The following CCDC192 variants were observed in gnomAD, a reference collection of about 807,000 sequenced individuals.
The protein encoded by CCDC192 is coiled-coil domain containing 192.
At chr5:127,849,090 C>T (rs771868179) in intron 5 of CCDC192, among the ~76,000 whole-genome samples, 29 of 151,944 alleles carry the variant, frequency 1.9e-4, no homozygotes, top group Non-Finnish European at 3.5e-4. Flanking sequence ...ATTAGCAGGG[C>T]GTGGTGACAG....
chr5:127,938,640 CA>C (rs1221508278), intron 6 of CCDC192, among the ~76,000 whole-genome samples: 1 of 152,198 alleles, frequency 6.6e-6, no homozygotes, highest in African/African-American at 2.4e-5. Flanking sequence ...TTCTTTAACA[CA>C]ATGTATTCTA....
intron 3 of CCDC192, among the ~76,000 whole-genome samples, chr5:127,782,951 A>G (rs1756320391): frequency 6.7e-6 from 1 of 148,388 alleles, no homozygotes; most frequent in Non-Finnish European, 1.5e-5. Flanking sequence ...TTTTAGGGCT[A>G]TGAACTTTCC....
chr5:127,821,572 T>A (rs2127020695), intron 5 of CCDC192, among the ~76,000 whole-genome samples: 1 of 152,336 alleles, frequency 6.6e-6, no homozygotes, highest in African/African-American at 2.4e-5. Flanking sequence ...TATGCGCTTG[T>A]CTCCATTTTA....
chr5:127,891,750 C>G (rs1285816043), intron 6 of CCDC192, among the ~76,000 whole-genome samples: 1 of 152,200 alleles, frequency 6.6e-6, no homozygotes, highest in Non-Finnish European at 1.5e-5. Flanking sequence ...AAGATTATCT[C>G]CACACACTAT....
Position 127,861,122 on chromosome 5 carries a change from C to T in CCDC192, c.412-14416C>T, listed in dbSNP as rs991183413. Among the ~76,000 whole-genome samples, 5 of 152,070 alleles carry T rather than the reference C, an allele frequency of 3.3e-5. No individual in the cohort carries two copies. The South Asian group carries it at 8.3e-4, about 25-fold the overall frequency. The stretch of plus-strand genomic sequence containing the variant: ...CTTTCGGGTTCAAGCAATTCTCCTT[C>T]CTCAGCCTCCCAAGTAGCTGGGATT... On this transcript the variant is annotated intron_variant, in intron 5 of 6. Transcript: ENST00000514853.
intron 2 of CCDC192, among the ~76,000 whole-genome samples, chr5:127,708,603 G>A (rs1424323937): frequency 6.6e-6 from 1 of 152,084 alleles, no homozygotes; most frequent in African/African-American, 2.4e-5. Context: ...TTGGGATGAG[G>A]CCAAAATTTG....
At chr5:127,899,093 T>C (rs1319130697) in intron 6 of CCDC192, among the ~76,000 whole-genome samples, 1 of 152,204 alleles carries the variant, frequency 6.6e-6, no homozygotes, top group Non-Finnish European at 1.5e-5. Flanking sequence ...TTTCATATGT[T>C]ATACAATGCT....
intron 6 of CCDC192, among the ~76,000 whole-genome samples, chr5:127,929,840 C>T (rs961759550): frequency 3.9e-5 from 6 of 152,010 alleles, no homozygotes; most frequent in Admixed American, 1.3e-4. Context: ...CTTAACAAAC[C>T]CTTGTGCACC....
chr5:127,898,915 A>T (rs868018188), intron 6 of CCDC192, among the ~76,000 whole-genome samples: 71 of 152,152 alleles, frequency 4.7e-4, no homozygotes, highest in Non-Finnish European at 4.9e-4. Context: ...ACAGATTTTC[A>T]CTGTGAACAA....
At chr5:127,843,807 T>G (rs1192160431) in intron 5 of CCDC192, among the ~76,000 whole-genome samples, 1 of 152,208 alleles carries the variant, frequency 6.6e-6, no homozygotes, top group East Asian at 1.9e-4. Flanking sequence ...GTCTGCAGGT[T>G]TTCATGTAGG....
chr5:127,851,796 T>G (rs1282633237), intron 5 of CCDC192, among the ~76,000 whole-genome samples: 1 of 152,166 alleles, frequency 6.6e-6, no homozygotes, highest in Non-Finnish European at 1.5e-5. Context: ...ACTAGATTCT[T>G]CCTGTCAACA....
intron 3 of CCDC192, among the ~76,000 whole-genome samples, chr5:127,767,699 T>C (rs529831905): frequency 6.4e-4 from 98 of 152,330 alleles, no homozygotes; most frequent in African/African-American, 2.3e-3. Flanking sequence ...TAGGAATCTC[T>C]TTGCCTGCAT....
chr5:127,861,082 C>G (rs1337896086), intron 5 of CCDC192, among the ~76,000 whole-genome samples: 1 of 152,008 alleles, frequency 6.6e-6, no homozygotes, highest in Non-Finnish European at 1.5e-5. Context: ...AATCTTGGCT[C>G]ACTACAACCT....
intron 6 of CCDC192, among the ~76,000 whole-genome samples, chr5:127,938,660 C>A (rs551404786): frequency 7.2e-5 from 11 of 152,334 alleles, no homozygotes; most frequent in African/African-American, 2.6e-4. Flanking sequence ...TAAATATTAT[C>A]ATTTTAATGC....
chr5:127,862,944 A>G (rs1202642098), intron 5 of CCDC192, among the ~76,000 whole-genome samples: 1 of 151,792 alleles, frequency 6.6e-6, no homozygotes, highest in Non-Finnish European at 1.5e-5. Flanking sequence ...AAAAAAAAAA[A>G]AAAAGGAGGA....
intron 3 of CCDC192, among the ~76,000 whole-genome samples, chr5:127,776,468 G>T (rs1755861848): frequency 6.6e-6 from 1 of 152,184 alleles, no homozygotes; most frequent in South Asian, 2.1e-4. Context: ...GAGCATAAAA[G>T]TTCAGAAAAT....
At chr5:127,861,125 C>T (rs1751343573) in intron 5 of CCDC192, among the ~76,000 whole-genome samples, 1 of 151,996 alleles carries the variant, frequency 6.6e-6, no homozygotes, top group Non-Finnish European at 1.5e-5. Context: ...TCTCCTTCCT[C>T]AGCCTCCCAA....
rs144732782 is a variant in CCDC192 at position 127,731,685 on chromosome 5, A to G, written c.115-22583A>G. On this transcript the variant is annotated intron_variant, in intron 2 of 6. Coordinates refer to ENST00000514853, the MANE Select transcript of CCDC192 (RefSeq NM_001317938.2). ...AAACAGATACATAGACCAACGGAAC[A>G]GAATAGAGAACCCAGAAATAAGACT... Among the ~76,000 whole-genome samples, 192 of 152,342 alleles carry G rather than the reference A, an allele frequency of 1.3e-3. 1 individual carries two copies. The highest frequency in any genetic ancestry group is 4.4e-3 in the African/African-American group (181 of 41,592).
chr5:127,711,824 C>T (rs952962585), intron 2 of CCDC192, among the ~76,000 whole-genome samples: 13 of 152,054 alleles, frequency 8.5e-5, no homozygotes, highest in African/African-American at 3.1e-4. Context: ...TTTTTTACCA[C>T]TCTAATAGGT....
Sources: gnomAD v4.1 joint callset for allele counts (sites outside exome capture counted in the v4.1 genomes callset) on GRCh38, gnomAD v4.1.1 for gene constraint, MANE v1.5 for transcripts, NCBI Gene and HGNC (gene_info 2026-07-23, HGNC 2026-07-21) for gene names.